The following UNC5D variants were observed in gnomAD, a reference collection of about 807,000 sequenced individuals.
The protein encoded by UNC5D is netrin receptor UNC5D.
UNC5D carries 39 observed loss-of-function variants against 105.4 expected under a neutral mutation model. The observed-to-expected ratio is 0.37, with a 90% CI of 0.29 to 0.48. The LOEUF is 0.48. UNC5D is among the 20% of genes least tolerant of loss of function. UNC5D has a pLI of 0.98. For missense variants in UNC5D, 991 were observed against 1,202.4 expected, an observed-to-expected ratio of 0.82 and a Z score of 2.60; for synonymous variants, 452 against 450.4, an observed-to-expected ratio of 1.00 and a Z score of -0.04.
At chr8:35,319,369 T>C (rs1809547652) in intron 1 of UNC5D, among the ~76,000 whole-genome samples, 1 of 152,144 alleles carries the variant, frequency 6.6e-6, no homozygotes, top group Non-Finnish European at 1.5e-5. Context: ...GCTTTTACTG[T>C]TGCATGAAGA....
At chr8:35,543,074 G>A (rs897264869) in intron 1 of UNC5D, among the ~76,000 whole-genome samples, 2 of 152,248 alleles carry the variant, frequency 1.3e-5, no homozygotes, top group South Asian at 2.1e-4. Flanking sequence ...TTCACCCAAG[G>A]TCACAGAGTT....
chr8:35,546,885 T>A (rs1815722598), intron 1 of UNC5D, among the ~76,000 whole-genome samples: 1 of 152,234 alleles, frequency 6.6e-6, no homozygotes, highest in African/African-American at 2.4e-5. Flanking sequence ...CTGACTTTAT[T>A]GTATTTTTGA....
chr8:35,268,560 A>T (rs1805053391), intron 1 of UNC5D, among the ~76,000 whole-genome samples: 1 of 152,134 alleles, frequency 6.6e-6, no homozygotes, highest in Non-Finnish European at 1.5e-5. Flanking sequence ...TGTTTCTGTG[A>T]TCTCAAAACT....
chr8:35,639,932 C>T (rs1822610427), intron 4 of UNC5D, among the ~76,000 whole-genome samples: 1 of 151,664 alleles, frequency 6.6e-6, no homozygotes, highest in Non-Finnish European at 1.5e-5. Flanking sequence ...CATTTATTGC[C>T]CAGTCTGGTC....
At chr8:35,584,524 C>G (rs1818660711) in intron 3 of UNC5D, among the ~76,000 whole-genome samples, 1 of 152,118 alleles carries the variant, frequency 6.6e-6, no homozygotes, top group South Asian at 2.1e-4. Context: ...ACACGATTCT[C>G]CTGTCTCAGC....
intron 4 of UNC5D, among the ~76,000 whole-genome samples, chr8:35,600,023 A>G (rs1167025378): frequency 1.3e-5 from 2 of 151,998 alleles, no homozygotes; most frequent in African/African-American, 4.8e-5. Context: ...TCATTGTTCA[A>G]TTCCCACCTA....
chr8:35,324,358 G>C (rs891194054), intron 1 of UNC5D, among the ~76,000 whole-genome samples: 1 of 151,704 alleles, frequency 6.6e-6, no homozygotes, highest in Non-Finnish European at 1.5e-5. Flanking sequence ...GACATTTGGA[G>C]ACAAAAGGAG....
chr8:35,787,162 CT>C (rs1257894220), intron 16 of UNC5D, among the ~76,000 whole-genome samples: 2 of 152,142 alleles, frequency 1.3e-5, no homozygotes, highest in Non-Finnish European at 2.9e-5. Context: ...TTGTCAACCC[CT>C]GGTATAGAAT....
At chr8:35,673,451 C>T (rs181783790) in intron 4 of UNC5D, among the ~76,000 whole-genome samples, 58 of 152,228 alleles carry the variant, frequency 3.8e-4, no homozygotes, top group South Asian at 1.0e-3. Context: ...GTCACTAAGA[C>T]GCCTAAGAAA....
At position 35,414,130 on chromosome 8, in the gene UNC5D, T is replaced by C. The variant is rs139944284; in HGVS notation, c.104-135162T>C. 6.6e-5 allele frequency among the ~76,000 whole-genome samples: 10 copies of C among 152,246 alleles called. No homozygotes were observed. The East Asian group carries it at 1.7e-3, about 26-fold the overall frequency. ...TTTAGTATTCATTAATTCTACTGTTTAATTTTTTTCTCTGGCTGTATATAC... is the reference window on the plus strand; with the variant it reads ...TTTAGTATTCATTAATTCTACTGTTCAATTTTTTTCTCTGGCTGTATATAC... On this transcript the variant is annotated intron_variant, in intron 1 of 16. Coordinates refer to ENST00000404895, the MANE Select transcript of UNC5D (RefSeq NM_080872.4).
chr8:35,551,087 C>T (rs183450792), intron 2 of UNC5D, among the ~76,000 whole-genome samples: 3 of 152,082 alleles, frequency 2.0e-5, no homozygotes, highest in African/African-American at 7.2e-5. Context: ...TATTGATGTA[C>T]GGGTATGCAG....
intron 1 of UNC5D, among the ~76,000 whole-genome samples, chr8:35,515,960 A>G (rs774590857): frequency 6.6e-6 from 1 of 152,026 alleles, no homozygotes; most frequent in Admixed American, 6.5e-5. Flanking sequence ...TAGTTTTTCT[A>G]TCTTAGTTTT....
intron 1 of UNC5D, among the ~76,000 whole-genome samples, chr8:35,473,441 G>T (rs1420692779): frequency 6.6e-6 from 1 of 152,176 alleles, no homozygotes; most frequent in Non-Finnish European, 1.5e-5. Flanking sequence ...AGGTGGAATG[G>T]TGAGCAAATC....
At chr8:35,673,284 A>C (rs2131287590) in intron 4 of UNC5D, among the ~76,000 whole-genome samples, 1 of 152,340 alleles carries the variant, frequency 6.6e-6, no homozygotes, top group Non-Finnish European at 1.5e-5. Flanking sequence ...CTAATCTGAA[A>C]GTGGTGAAGC....
At chr8:35,272,227 T>G (rs1805457459) in intron 1 of UNC5D, among the ~76,000 whole-genome samples, 1 of 152,158 alleles carries the variant, frequency 6.6e-6, no homozygotes, top group Non-Finnish European at 1.5e-5. Flanking sequence ...TTACTTGAAG[T>G]ATATTTTCAG....
chr8:35,758,331 A>G (rs541489008), intron 13 of UNC5D, among the ~76,000 whole-genome samples: 1 of 151,496 alleles, frequency 6.6e-6, no homozygotes, highest in South Asian at 2.1e-4. Flanking sequence ...GTGTTTATAA[A>G]CCTATTTGTT....
chr8:35,545,833 A>C (rs567551819), intron 1 of UNC5D, among the ~76,000 whole-genome samples: 8 of 152,194 alleles, frequency 5.3e-5, no homozygotes, highest in African/African-American at 1.9e-4. Flanking sequence ...TGTAATAATA[A>C]AAATGTAATA....
chr8:35,654,805 G>C (rs1454492272), intron 4 of UNC5D, among the ~76,000 whole-genome samples: 7 of 152,102 alleles, frequency 4.6e-5, no homozygotes, highest in African/African-American at 1.7e-4. Context: ...GCTAACTTCA[G>C]TTAATATACT....
In UNC5D at chr8:35,786,520, A is replaced by G. The variant is rs137893622; in HGVS notation, c.2658-3839A>G. On this transcript the variant is annotated intron_variant, in intron 16 of 16. Transcript: ENST00000404895. ...GCAGGTGTACTCACCAATATTTTTA[A>G]TATTGTGTTGAGACAATGATTCATT... 5.3e-5 allele frequency among the ~76,000 whole-genome samples: 8 copies of G among 152,262 alleles called. No individual in the cohort carries two copies. In the East Asian group the frequency reaches 1.5e-3, roughly 29 times the overall value.
Sources: gnomAD v4.1 joint callset for allele counts (sites outside exome capture counted in the v4.1 genomes callset) on GRCh38, gnomAD v4.1.1 for gene constraint, MANE v1.5 for transcripts, NCBI Gene and HGNC (gene_info 2026-07-23, HGNC 2026-07-21) for gene names.